TRAK2: variants seen among roughly 807,000 people sequenced by gnomAD.
TRAK2 encodes trafficking kinesin-binding protein 2.
In TRAK2, 81 loss-of-function variants were observed where a neutral mutation model predicts 104.6. The observed-to-expected ratio is 0.77, with a 90% confidence interval of 0.65 to 0.93. The LOEUF (loss-of-function observed/expected upper bound fraction) is 0.93, where lower values mean the gene tolerates loss of function less well. Ranked by LOEUF, TRAK2 falls within the 40% of genes least tolerant of loss-of-function variation. The pLI, the probability that TRAK2 is intolerant of heterozygous loss-of-function variation, is 0.00. For missense variants in TRAK2, 1,002 were observed against 1,089.0 expected (o/e 0.92, Z 1.12); for synonymous variants, 406 against 394.4 (o/e 1.03, Z -0.35).
chr2:201,401,012 T>G lies in TRAK2; in HGVS notation c.363+6A>C, dbSNP rs1951546238. 1 of 1,608,090 alleles carries G rather than the reference T, an allele frequency of 6.2e-7. No individual in the cohort carries two copies. Among genetic ancestry groups the G allele is most frequent in the Non-Finnish European group, 8.5e-7 (1 of 1,175,928 alleles). ...TTTGTACTGGAGAAAGAAAAGATAT[T>G]CCTACCTCTGCCAGGAGATGTGTAA... On this transcript the variant is annotated splice_donor_region_variant and intron_variant, in intron 4 of 15. Coordinates refer to ENST00000332624, the MANE Select transcript of TRAK2 (RefSeq NM_015049.3).
At chr2:201,389,181 A>C in intron 12 of TRAK2, 119 bp downstream of exon 12, 2 of 1,016,746 alleles carry the variant, frequency 2.0e-6, no homozygotes, top group Non-Finnish European at 3.0e-6. Context: ...TAAGTGAAGG[A>C]AAACTGACAG....
intron 1 of TRAK2, among the ~76,000 whole-genome samples, chr2:201,439,997 A>G (rs1951907938): frequency 6.7e-6 from 1 of 148,732 alleles, no homozygotes; most frequent in Admixed American, 6.7e-5. Flanking sequence ...TGATGAGTTA[A>G]TGGGTGCAGC....
intron 1 of TRAK2, among the ~76,000 whole-genome samples, chr2:201,430,630 G>C (rs12995272): frequency 2.0e-5 from 3 of 152,364 alleles, no homozygotes; most frequent in East Asian, 3.9e-4. Flanking sequence ...CTCTGAGCCA[G>C]GCATGGGATA....
rs1004012136 is a variant in TRAK2, at chr2:201,377,312, T to C, written c.*3231A>G. 7.9e-5 allele frequency: 12 copies of C among 152,188 alleles called. No individual in the cohort carries two copies. Among genetic ancestry groups the C allele is most frequent in the Non-Finnish European group, 1.0e-4 (7 of 68,042 alleles). The allele number at this position is 152,188 out of a possible 1,614,324, so 9.4% of individuals were successfully genotyped here. A position where few individuals can be genotyped will look rare whatever the true frequency, so the allele number is the denominator to read the frequency against. On this transcript the variant is annotated 3_prime_UTR_variant, in exon 16 of 16. Transcript: ENST00000332624. ...AAGTCAAATCCCAGGTATCGAACAA[T>C]AGTATTCCCCTGGCTGCCCTAGAGG...
chr2:201,397,975 G>A (rs1336771078), intron 6 of TRAK2, 170 bp downstream of exon 6: 9 of 624,254 alleles, frequency 1.4e-5, no homozygotes, highest in Non-Finnish European at 2.5e-5. Context: ...ACTTTTCAGT[G>A]GGATCTAAGA....
chr2:201,392,059 T>C (rs895617256), intron 10 of TRAK2, among the ~76,000 whole-genome samples: 1 of 152,154 alleles, frequency 6.6e-6, no homozygotes, highest in African/African-American at 2.4e-5. Flanking sequence ...TGTCCTCGTT[T>C]TTAGTAAATA....
intron 2 of TRAK2, among the ~76,000 whole-genome samples, chr2:201,416,323 T>G (rs1264059180): frequency 6.6e-6 from 1 of 151,696 alleles, no homozygotes; most frequent in African/African-American, 2.4e-5. Context: ...GGAGGATCAC[T>G]TGAGCCCAAG....
Position 201,381,101 on chromosome 2 carries a change from T to C in TRAK2, c.2187A>G (p.Arg729=). The C allele has an allele frequency of 6.2e-7, 1 of 1,614,054 alleles. No individual in the cohort carries two copies. The highest frequency in any genetic ancestry group is 2.2e-5 in the East Asian group (1 of 44,878). ...TGCTACTGAAGGTTGTAGTGGAATC[T>C]CGTCGGTTGGTGATGGACTCACCAA... is the stretch of plus-strand genomic sequence containing the variant. The part of the protein sequence containing the change: ...LSIGESITNR[R]DSTTTFSSTM... The change falls in exon 16 of 16, where the codon CGA becomes CGG. Residue 729 remains arginine, a synonymous_variant. Coordinates refer to ENST00000332624, the MANE Select transcript of TRAK2 (RefSeq NM_015049.3).
chr2:201,380,788 AG>A lies in TRAK2; in HGVS notation c.2499del (p.Leu834Ter), dbSNP rs765270944. ...NPPDVGQLKM[N>X]LVDRLKRLGI... ...CCCAGTCTCTTCAGCCTGTCCACTA[AG>A]TTCATCTTCAACTGGCCAACATCAG... is the stretch of plus-strand genomic sequence containing the variant. On this transcript the variant is annotated frameshift_variant, in exon 16 of 16. Coordinates refer to ENST00000332624, the MANE Select transcript of TRAK2 (RefSeq NM_015049.3). LOFTEE classifies it high-confidence loss of function. 5.6e-6 allele frequency: 9 copies of A among 1,613,972 alleles called. No homozygotes were observed. The highest frequency in any genetic ancestry group is 7.6e-6 in the Non-Finnish European group (9 of 1,179,996).
At chr2:201,393,815 A>G (rs1325640772) in intron 9 of TRAK2, among the ~76,000 whole-genome samples, 1 of 152,138 alleles carries the variant, frequency 6.6e-6, no homozygotes, top group Non-Finnish European at 1.5e-5. Context: ...TGGTGTGATT[A>G]TGGCTCACTA....
At chr2:201,437,707 C>T (rs558064307) in intron 1 of TRAK2, among the ~76,000 whole-genome samples, 120 of 152,164 alleles carry the variant, frequency 7.9e-4, no homozygotes, top group African/African-American at 2.8e-3. Context: ...CCTTCTCTGT[C>T]CGTGGCCATA....
At chr2:201,422,658 A>G (rs1182552379) in intron 1 of TRAK2, among the ~76,000 whole-genome samples, 1 of 140,960 alleles carries the variant, frequency 7.1e-6, no homozygotes, top group East Asian at 1.9e-4. Context: ...AACGTTATAC[A>G]AAGTCAAAGG....
Position 201,389,371 on chromosome 2 carries a change from A to G in TRAK2, c.1326T>C (p.Phe442=). 6.2e-7 allele frequency: 1 copy of G among 1,614,138 alleles called. No individual in the cohort carries two copies. Among genetic ancestry groups the G allele is most frequent in the African/African-American group, 1.3e-5 (1 of 75,028 alleles). Residue 442 remains phenylalanine (F), a synonymous_variant, in exon 12 of 16, where the codon TTT becomes TTC. Transcript: ENST00000332624. ...CCTCTGTTTGCTGAAGACCAGACTCAAAAGGTTTTGCTGTCATGATGACAC... is the reference window on the plus strand; with the variant it reads ...CCTCTGTTTGCTGAAGACCAGACTCGAAAGGTTTTGCTGTCATGATGACAC... ...RSSVIMTAKP[F]ESGLQQTEDK...
chr2:201,407,308 A>G (rs1951602639), intron 3 of TRAK2, 95 bp downstream of exon 3: 1 of 1,051,194 alleles, frequency 9.5e-7, no homozygotes, highest in African/African-American at 1.6e-5. Flanking sequence ...ACACTGAACA[A>G]TGGCTACTAA....
At chr2:201,388,324 A>G (rs1202831955) in intron 12 of TRAK2, among the ~76,000 whole-genome samples, 4 of 152,218 alleles carry the variant, frequency 2.6e-5, no homozygotes, top group Non-Finnish European at 5.9e-5. Context: ...ACGAAAGTAA[A>G]TATTATATTT....
chr2:201,429,715 G>A (rs979261648), intron 1 of TRAK2, among the ~76,000 whole-genome samples: 1 of 152,144 alleles, frequency 6.6e-6, no homozygotes, highest in African/African-American at 2.4e-5. Flanking sequence ...AGCTCCCTCA[G>A]GTCATTTGAG....
At chr2:201,402,195 T>C (rs1249369714) in intron 3 of TRAK2, among the ~76,000 whole-genome samples, 3 of 152,122 alleles carry the variant, frequency 2.0e-5, no homozygotes, top group African/African-American at 7.2e-5. Context: ...ACAGAACTGG[T>C]AGGTATGAAA....
chr2:201,407,372 C>A, intron 3 of TRAK2, 31 bp downstream of exon 3: 2 of 1,577,198 alleles, frequency 1.3e-6, no homozygotes, highest in Middle Eastern at 1.8e-4. Flanking sequence ...TACTTTAATG[C>A]ACAAACTAAA....
chr2:201,395,160 A>ATG (rs1196055814), intron 8 of TRAK2, 154 bp downstream of exon 8: 1 of 651,886 alleles, frequency 1.5e-6, no homozygotes, highest in East Asian at 2.8e-5. Context: ...GATATCTTAT[A>ATG]TGACATAAAG....
Sources: allele counts gnomAD v4.1 joint callset (sites outside exome capture counted in the v4.1 genomes callset), GRCh38; gene constraint gnomAD v4.1.1; transcripts MANE v1.5; gene names NCBI Gene and HGNC (gene_info 2026-07-23, HGNC 2026-07-21).